SLIT3: variants seen among roughly 807,000 people sequenced by gnomAD.
SLIT3 encodes the protein slit guidance ligand 3, also known as slit homolog 3 protein.
A neutral mutation model predicts 184.0 loss-of-function variants in SLIT3; 68 were observed. The ratio of observed to expected loss-of-function variants is 0.37; its 90% confidence interval spans 0.30 to 0.45. The LOEUF is 0.45. Among genes scored for constraint, SLIT3 ranks in the 20% least tolerant of loss-of-function variants. The probability of loss-of-function intolerance (pLI) is 1.00; values close to 1 mark genes in which losing one functional copy is unlikely to be tolerated. For missense variants in SLIT3, 1,707 were observed against 2,026.0 expected, an observed-to-expected ratio of 0.84 and a Z score of 3.02; for synonymous variants, 831 against 828.6, an observed-to-expected ratio of 1.00 and a Z score of -0.05.
chr5:168,867,835 T>C (rs1488014624), intron 5 of SLIT3, among the ~76,000 whole-genome samples: 1 of 152,202 alleles, frequency 6.6e-6, no homozygotes, highest in African/African-American at 2.4e-5. Flanking sequence ...GCAAGATTAT[T>C]GACACCTGCA....
At chr5:169,061,964 C>A (rs917964149) in intron 4 of SLIT3, among the ~76,000 whole-genome samples, 2 of 152,138 alleles carry the variant, frequency 1.3e-5, no homozygotes, top group Non-Finnish European at 2.9e-5. Context: ...CCACCCCAAT[C>A]GTGAGGTCAG....
chr5:168,875,429 C>G (rs375892633), intron 5 of SLIT3, among the ~76,000 whole-genome samples: 1 of 151,898 alleles, frequency 6.6e-6, no homozygotes, highest in African/African-American at 2.4e-5. Flanking sequence ...GTCAGGAGTC[C>G]GAGACTAGGC....
intron 32 of SLIT3, among the ~76,000 whole-genome samples, chr5:168,678,054 C>T (rs1446807188): frequency 6.6e-6 from 1 of 152,174 alleles, no homozygotes; most frequent in Non-Finnish European, 1.5e-5. Context: ...CTAAGTAACC[C>T]GATAGGGGCC....
At chr5:169,190,891 T>C (rs1204339810) in intron 4 of SLIT3, among the ~76,000 whole-genome samples, 2 of 152,070 alleles carry the variant, frequency 1.3e-5, no homozygotes, top group Non-Finnish European at 2.9e-5. Flanking sequence ...AATAAGACAA[T>C]GACACAAGAG....
At chr5:169,052,816 C>T (rs188471611) in intron 4 of SLIT3, among the ~76,000 whole-genome samples, 159 of 152,330 alleles carry the variant, frequency 1.0e-3, no homozygotes, top group Middle Eastern at 3.4e-3. Context: ...AATACTGCAT[C>T]ATCACCTCTG....
chr5:169,238,650 T>C (rs1460277895), intron 3 of SLIT3, among the ~76,000 whole-genome samples: 2 of 151,450 alleles, frequency 1.3e-5, no homozygotes, highest in Non-Finnish European at 2.9e-5. Context: ...ACTCTTCTGG[T>C]GAATTCTAAC....
chr5:169,262,668 T>G (rs1006821197), intron 1 of SLIT3, among the ~76,000 whole-genome samples: 2 of 152,184 alleles, frequency 1.3e-5, no homozygotes, highest in African/African-American at 4.8e-5. Flanking sequence ...CCCCCAAATG[T>G]CAATTTCATT....
intron 4 of SLIT3, among the ~76,000 whole-genome samples, chr5:168,932,484 G>A (rs1416738025): frequency 1.3e-5 from 2 of 151,850 alleles, no homozygotes; most frequent in Non-Finnish European, 2.9e-5. Flanking sequence ...AGGAACAGAA[G>A]TCCCTTGCTT....
chr5:168,877,656 G>T (rs549830041), intron 5 of SLIT3, among the ~76,000 whole-genome samples: 2 of 152,278 alleles, frequency 1.3e-5, no homozygotes, highest in South Asian at 4.2e-4. Context: ...AGACACGGGC[G>T]GTGCGGCAAC....
At chr5:169,207,374 C>CAT (rs35270521) in intron 3 of SLIT3, among the ~76,000 whole-genome samples, 12,305 of 66,290 alleles carry the variant, frequency 0.19, 498 homozygotes, top group East Asian at 0.44. Flanking sequence ...CATACATACA[C>CAT]ACACACACAC....
At chr5:168,925,662 G>GT (rs1469519217) in intron 4 of SLIT3, among the ~76,000 whole-genome samples, 2 of 139,488 alleles carry the variant, frequency 1.4e-5, no homozygotes, top group African/African-American at 5.5e-5. Context: ...TCTCTGCCCT[G>GT]TTAAAAAAAA....
intron 14 of SLIT3, among the ~76,000 whole-genome samples, chr5:168,769,604 C>G (rs549586878): frequency 4.6e-5 from 7 of 152,282 alleles, no homozygotes; most frequent in African/African-American, 1.4e-4. Context: ...TCTGCTTTGA[C>G]ACCTATGCAG....
At chr5:168,977,262 G>T (rs1486007732) in intron 4 of SLIT3, among the ~76,000 whole-genome samples, 1 of 152,180 alleles carries the variant, frequency 6.6e-6, no homozygotes, top group Non-Finnish European at 1.5e-5. Flanking sequence ...AGCACCATCA[G>T]TTTCTCCTGC....
chr5:168,721,949 A>G (rs922457288), intron 23 of SLIT3, among the ~76,000 whole-genome samples: 3 of 152,188 alleles, frequency 2.0e-5, no homozygotes, highest in Non-Finnish European at 4.4e-5. Flanking sequence ...GGTAGAATAC[A>G]ATTGCATATC....
At chr5:168,956,106 A>C (rs1461523615) in intron 4 of SLIT3, among the ~76,000 whole-genome samples, 5 of 152,222 alleles carry the variant, frequency 3.3e-5, no homozygotes, top group South Asian at 4.1e-4. Context: ...GACAAATAGC[A>C]CTTGTGAAAC....
At chr5:168,836,385 G>A (rs1423300064) in intron 6 of SLIT3, among the ~76,000 whole-genome samples, 7 of 152,218 alleles carry the variant, frequency 4.6e-5, no homozygotes, top group Admixed American at 3.3e-4. Context: ...AGGGGATGGT[G>A]AAAGGGCAGA....
At chr5:169,175,497 A>G (rs1762955414) in intron 4 of SLIT3, among the ~76,000 whole-genome samples, 1 of 152,276 alleles carries the variant, frequency 6.6e-6, no homozygotes, top group African/African-American at 2.4e-5. Context: ...AAATGGTAAT[A>G]CCCATTTCCC....
chr5:169,198,722 A>C (rs1267466198), intron 3 of SLIT3, among the ~76,000 whole-genome samples: 1 of 152,100 alleles, frequency 6.6e-6, no homozygotes, highest in East Asian at 1.9e-4. Flanking sequence ...TCACGAGGTC[A>C]GGAGCTCGAG....
chr5:169,298,156 G>A (rs1478286865), intron 1 of SLIT3, among the ~76,000 whole-genome samples: 1 of 152,126 alleles, frequency 6.6e-6, no homozygotes, highest in East Asian at 1.9e-4. Context: ...GGAGGAAGGA[G>A]ACTAGAATGA....
Sources: allele counts gnomAD v4.1 joint callset (sites outside exome capture counted in the v4.1 genomes callset), GRCh38; gene constraint gnomAD v4.1.1; transcripts MANE v1.5; gene names NCBI Gene and HGNC (gene_info 2026-07-23, HGNC 2026-07-21).